Variants in NKAIN3 observed in about 807,000 individuals in gnomAD.
NKAIN3 encodes the protein sodium/potassium-transporting ATPase subunit beta-1-interacting protein 3.
NKAIN3 carries 25 observed loss-of-function variants against 30.2 expected under a neutral mutation model. That is an observed-to-expected ratio of 0.83 (90% CI 0.60 to 1.16). The LOEUF (loss-of-function observed/expected upper bound fraction) is 1.16, where lower values mean the gene tolerates loss of function less well. Ranked by LOEUF, NKAIN3 falls within the 50% of genes most tolerant of loss-of-function variation. The probability of loss-of-function intolerance (pLI) is 0.00; values close to 1 mark genes in which losing one functional copy is unlikely to be tolerated. For missense variants in NKAIN3, 225 were observed against 254.1 expected (o/e 0.89, Z 0.78); for synonymous variants, 91 against 89.6 (o/e 1.02, Z -0.09).
In NKAIN3 at chr8:62,990,244, G is replaced by T. The variant is rs185125039; in HGVS notation, c.533-8987G>T. 7.8e-4 allele frequency: 1,205 copies of T among 1,537,588 alleles called. 2 individuals are homozygous for T. The highest frequency in any genetic ancestry group is 9.7e-4 in the Non-Finnish European group (1,106 of 1,135,250). On this transcript the variant is annotated intron_variant, in intron 5 of 5. Coordinates refer to the NKAIN3 transcript ENST00000519049. ...TTATTGAATAAGCAAGAATTAGTAA[G>T]ATATTATCACCAAATTGTCACATCA...
intron 3 of NKAIN3, among the ~76,000 whole-genome samples, chr8:62,737,045 G>A (rs951598938): frequency 2.0e-5 from 3 of 152,150 alleles, no homozygotes; most frequent in African/African-American, 7.2e-5. Flanking sequence ...CAGTTTTTTG[G>A]CTTTCTCACA....
intron 4 of NKAIN3, among the ~76,000 whole-genome samples, chr8:62,810,211 AAT>A (rs1167316083): frequency 3.3e-5 from 5 of 152,094 alleles, no homozygotes; most frequent in African/African-American, 7.2e-5. Flanking sequence ...CAAAATTAAA[AAT>A]AAATGACTTT....
chr8:62,469,670 G>A (rs777253334), intron 1 of NKAIN3, among the ~76,000 whole-genome samples: 7 of 152,100 alleles, frequency 4.6e-5, no homozygotes, highest in African/African-American at 1.4e-4. Flanking sequence ...TAACTCACAA[G>A]GCAGGCATGG....
At chr8:62,813,022 G>A (rs115845977) in intron 4 of NKAIN3, among the ~76,000 whole-genome samples, 25 of 151,736 alleles carry the variant, frequency 1.6e-4, no homozygotes, top group Non-Finnish European at 3.5e-4. Flanking sequence ...TAAGTGTTTT[G>A]TTTATTAATT....
At chr8:62,394,261 A>G (rs1475002725) in intron 1 of NKAIN3, among the ~76,000 whole-genome samples, 2 of 152,098 alleles carry the variant, frequency 1.3e-5, no homozygotes, top group African/African-American at 2.4e-5. Flanking sequence ...TTTTTAAATC[A>G]TGAATGGTGC....
chr8:62,580,054 T>A (rs1810242997), intron 2 of NKAIN3, among the ~76,000 whole-genome samples: 1 of 152,222 alleles, frequency 6.6e-6, no homozygotes. Flanking sequence ...GTGACATTTG[T>A]CACTAACTCC....
chr8:62,708,955 C>T (rs546072632), intron 3 of NKAIN3, among the ~76,000 whole-genome samples: 40 of 152,260 alleles, frequency 2.6e-4, no homozygotes, highest in African/African-American at 9.1e-4. Context: ...ATGTCAAATG[C>T]TTCTTCTGCA....
chr8:62,743,800 A>G (rs1815983768), intron 3 of NKAIN3, among the ~76,000 whole-genome samples: 1 of 152,166 alleles, frequency 6.6e-6, no homozygotes, highest in Non-Finnish European at 1.5e-5. Context: ...ATGGTAAGAG[A>G]CTGAATGGGG....
intron 1 of NKAIN3, among the ~76,000 whole-genome samples, chr8:62,409,639 G>A (rs751129571): frequency 6.6e-5 from 10 of 151,758 alleles, no homozygotes; most frequent in African/African-American, 9.7e-5. Flanking sequence ...TTCATTACAG[G>A]ATTAAATAAA....
At chr8:62,902,079 TC>T (rs1167739889) in intron 4 of NKAIN3, among the ~76,000 whole-genome samples, 1 of 152,164 alleles carries the variant, frequency 6.6e-6, no homozygotes, top group African/African-American at 2.4e-5. Flanking sequence ...TGCTCTGCCA[TC>T]CACTGCCTCC....
chr8:62,464,107 T>C (rs946572974), intron 1 of NKAIN3, among the ~76,000 whole-genome samples: 2 of 152,160 alleles, frequency 1.3e-5, no homozygotes, highest in Non-Finnish European at 1.5e-5. Flanking sequence ...GTTCGACAAA[T>C]GTACCTTGAT....
At chr8:62,646,772 G>A (rs1812472760) in intron 3 of NKAIN3, among the ~76,000 whole-genome samples, 1 of 152,014 alleles carries the variant, frequency 6.6e-6, no homozygotes, top group Non-Finnish European at 1.5e-5. Context: ...CATATAACAT[G>A]TAAAGTAACA....
chr8:62,255,204 CAGAG>C (rs1320687629), intron 1 of NKAIN3, among the ~76,000 whole-genome samples: 3 of 152,124 alleles, frequency 2.0e-5, no homozygotes, highest in African/African-American at 4.8e-5. Flanking sequence ...TGGGAAGACA[CAGAG>C]AGATAAAAAT....
intron 4 of NKAIN3, among the ~76,000 whole-genome samples, chr8:62,845,037 T>C (rs1819635318): frequency 6.6e-6 from 1 of 151,826 alleles, no homozygotes; most frequent in Non-Finnish European, 1.5e-5. Context: ...AAGTATATTG[T>C]ATGCAACCGT....
intron 5 of NKAIN3, chr8:62,990,188 T>A (rs760617998): frequency 4.0e-6 from 6 of 1,487,504 alleles, no homozygotes; most frequent in Non-Finnish European, 4.6e-6. Context: ...TCTGCAAGTA[T>A]GCAAACATCT....
chr8:62,676,831 T>C (rs964199527), intron 3 of NKAIN3, among the ~76,000 whole-genome samples: 4 of 151,716 alleles, frequency 2.6e-5, no homozygotes, highest in African/African-American at 9.7e-5. Context: ...CTCTTACCTC[T>C]GGCTCCTGAG....
chr8:62,282,964 T>A (rs1813252885), intron 1 of NKAIN3, among the ~76,000 whole-genome samples: 1 of 152,214 alleles, frequency 6.6e-6, no homozygotes, highest in African/African-American at 2.4e-5. Context: ...TAGCATCTTG[T>A]CATCGGTTCA....
At chr8:62,856,777 G>A (rs1444135739) in intron 4 of NKAIN3, 1 of 650,648 alleles carries the variant, frequency 1.5e-6, no homozygotes, top group Non-Finnish European at 2.8e-6. Context: ...TCCAACTCCT[G>A]TAAGATGTAA....
intron 1 of NKAIN3, among the ~76,000 whole-genome samples, chr8:62,382,007 G>A (rs1817295070): frequency 6.6e-6 from 1 of 151,998 alleles, no homozygotes; most frequent in African/African-American, 2.4e-5. Flanking sequence ...TTCAGATGTG[G>A]GCTAGCATGT....
Sources: gnomAD v4.1 joint callset for allele counts (sites outside exome capture counted in the v4.1 genomes callset) on GRCh38, gnomAD v4.1.1 for gene constraint, MANE v1.5 for transcripts, NCBI Gene and HGNC (gene_info 2026-07-23, HGNC 2026-07-21) for gene names.